The following MPHOSPH9 variants were observed in gnomAD, a reference collection of about 807,000 sequenced individuals.
MPHOSPH9 encodes M-phase phosphoprotein 9.
MPHOSPH9 carries 88 observed loss-of-function variants against 145.5 expected under a neutral mutation model. The ratio of observed to expected loss-of-function variants is 0.60; its 90% CI spans 0.51 to 0.72. The LOEUF is 0.72. Ranked by LOEUF, MPHOSPH9 falls within the 30% of genes least tolerant of loss-of-function variation. The pLI, the probability that MPHOSPH9 is intolerant of heterozygous loss-of-function variation, is 0.00. For missense variants in MPHOSPH9, 1,238 were observed against 1,386.6 expected (o/e 0.89, Z 1.70); for synonymous variants, 435 against 486.2 (o/e 0.89, Z 1.39).
intron 2 of MPHOSPH9, among the ~76,000 whole-genome samples, chr12:123,229,210 G>T (rs80263881): frequency 3.9e-5 from 6 of 152,044 alleles, no homozygotes; most frequent in Non-Finnish European, 8.8e-5. Flanking sequence ...CCCCAAAACC[G>T]CTGTTTTCCT....
intron 13 of MPHOSPH9, among the ~76,000 whole-genome samples, chr12:123,191,447 C>T (rs183419045): frequency 2.6e-5 from 4 of 152,306 alleles, no homozygotes; most frequent in African/African-American, 4.8e-5. Context: ...TGCATCACCA[C>T]GCCTAGCTAA....
chr12:123,196,938 C>G (rs1230439214), intron 12 of MPHOSPH9, among the ~76,000 whole-genome samples: 1 of 150,280 alleles, frequency 6.7e-6, no homozygotes, highest in Non-Finnish European at 1.5e-5. Context: ...TATCAATGTT[C>G]AGAAAAGGCA....
Position 123,202,810 on chromosome 12 carries a change from G to A in MPHOSPH9, c.1595C>T (p.Thr532Ile). The stretch of plus-strand genomic sequence containing the variant: ...ATATACTGACGGAAACGTGGAACTG[G>A]TCCTACTTTCGTTTTGGAATGTCTG... ...KNQTFQNESRTSSTFPSVYTI... is the reference protein window; with the variant it reads ...KNQTFQNESRISSTFPSVYTI... Residue 532 changes from threonine to isoleucine, a missense_variant, in exon 10 of 24, where the codon ACC (threonine) becomes ATC (isoleucine). Physicochemically the swap from Thr to Ile is moderately conservative, Grantham distance 89. Transcript: ENST00000606320. 1 of 1,614,200 alleles carries A rather than the reference G, an allele frequency of 6.2e-7. No individual in the cohort carries two copies. Among genetic ancestry groups the A allele is most frequent in the South Asian group, 1.1e-5 (1 of 91,088 alleles).
intron 4 of MPHOSPH9, 29 bp downstream of exon 4, chr12:123,223,009 A>C: frequency 7.3e-6 from 10 of 1,367,716 alleles, no homozygotes; most frequent in Non-Finnish European, 1.0e-5. Flanking sequence ...TGTATATAAA[A>C]AAAGGAATCA....
chr12:123,200,217 T>C (rs1254423450), intron 11 of MPHOSPH9, among the ~76,000 whole-genome samples: 1 of 92,464 alleles, frequency 1.1e-5, no homozygotes, highest in East Asian at 1.0e-3. Context: ...CTGATAACAA[T>C]GGTTTTTTAT....
intron 4 of MPHOSPH9, among the ~76,000 whole-genome samples, chr12:123,222,133 G>T (rs772537392): frequency 2.0e-5 from 3 of 151,734 alleles, no homozygotes; most frequent in Non-Finnish European, 2.9e-5. Flanking sequence ...AGGAGCTCAA[G>T]ACCAGCTTGG....
intron 2 of MPHOSPH9, among the ~76,000 whole-genome samples, chr12:123,229,349 C>T (rs1757753571): frequency 6.6e-6 from 1 of 152,110 alleles, no homozygotes. Flanking sequence ...TGAAAGTAAA[C>T]AGGCTCTGAT....
At chr12:123,200,293 A>C (rs938804540) in intron 11 of MPHOSPH9, among the ~76,000 whole-genome samples, 1 of 151,306 alleles carries the variant, frequency 6.6e-6, no homozygotes, top group Non-Finnish European at 1.5e-5. Context: ...TGTCCTCTGT[A>C]ACACAGCTTT....
At chr12:123,179,278 A>G (rs1593109995) in intron 15 of MPHOSPH9, among the ~76,000 whole-genome samples, 2 of 152,202 alleles carry the variant, frequency 1.3e-5, no homozygotes, top group East Asian at 3.9e-4. Flanking sequence ...AAAGTTTTTA[A>G]AAATCAGCCA....
At chr12:123,160,508 T>C in intron 23 of MPHOSPH9, 1 of 375,732 alleles carries the variant, frequency 2.7e-6, no homozygotes, top group Non-Finnish European at 4.8e-6. Context: ...AAAAGCATAT[T>C]GCCATTTGCT....
upstream of MPHOSPH9, among the ~76,000 whole-genome samples, chr12:123,234,543 C>G (rs1474012370): frequency 6.6e-6 from 1 of 152,078 alleles, no homozygotes; most frequent in Non-Finnish European, 1.5e-5. Context: ...ATACCGGTGC[C>G]CGCCACCACA....
chr12:123,202,484 GAA>G lies in MPHOSPH9; in HGVS notation c.1781+138_1781+139del, dbSNP rs1343948484. Reference sequence around the variant, plus strand: ...ATACACAAAAAGTTAACAATCAAGTGAAAAAGTTTTTATATGCTCCATCTTAA... The same window carrying G: ...ATACACAAAAAGTTAACAATCAAGTGAAAGTTTTTATATGCTCCATCTTAA... On this transcript the variant is annotated intron_variant, in intron 10 of 23. Transcript: ENST00000606320. 12 of 1,204,484 alleles carry G rather than the reference GAA, an allele frequency of 1.0e-5. No individual in the cohort carries two copies. In the East Asian group the frequency reaches 2.5e-4, roughly 25 times the overall value. The allele number at this position is 1,204,484 out of a possible 1,614,324, so 74.6% of individuals were successfully genotyped here.
chr12:123,211,489 AC>A (rs2046715755), intron 7 of MPHOSPH9, among the ~76,000 whole-genome samples: 2 of 151,332 alleles, frequency 1.3e-5, no homozygotes, highest in African/African-American at 4.9e-5. Flanking sequence ...AGAAGCTGGG[AC>A]TACAGGCACA....
intron 1 of MPHOSPH9, among the ~76,000 whole-genome samples, chr12:123,232,617 C>G (rs2047703673): frequency 6.6e-6 from 1 of 152,050 alleles, no homozygotes; most frequent in Non-Finnish European, 1.5e-5. Flanking sequence ...ATTCTGAGCT[C>G]ACAGTCAGCC....
At chr12:123,232,318 G>A (rs1308006968) in intron 1 of MPHOSPH9, among the ~76,000 whole-genome samples, 4 of 151,988 alleles carry the variant, frequency 2.6e-5, no homozygotes, top group Admixed American at 2.6e-4. Context: ...TGGAGGTGCT[G>A]GGGGGAGGGC....
At chr12:123,169,491 T>G (rs2044481154) in intron 16 of MPHOSPH9, among the ~76,000 whole-genome samples, 1 of 149,184 alleles carries the variant, frequency 6.7e-6, no homozygotes, top group African/African-American at 2.5e-5. Context: ...AGAGCGAGAC[T>G]CCGTCTTAAA....
intron 16 of MPHOSPH9, among the ~76,000 whole-genome samples, chr12:123,167,632 G>A (rs971054141): frequency 2.6e-5 from 4 of 152,114 alleles, no homozygotes; most frequent in African/African-American, 4.8e-5. Context: ...CACAGCATGC[G>A]TACTCCAGCT....
chr12:123,239,074 G>A (rs775281751), intron 1 of MPHOSPH9, among the ~76,000 whole-genome samples: 32 of 152,168 alleles, frequency 2.1e-4, no homozygotes, highest in Non-Finnish European at 4.0e-4. Flanking sequence ...TTCCAGACCA[G>A]CCACAGCAAC....
intron 3 of MPHOSPH9, among the ~76,000 whole-genome samples, chr12:123,224,616 G>A (rs895076845): frequency 6.6e-6 from 1 of 152,190 alleles, no homozygotes; most frequent in African/African-American, 2.4e-5. Context: ...TTGGAAATCT[G>A]TGAGGTCACG....
Sources: allele counts gnomAD v4.1 joint callset (sites outside exome capture counted in the v4.1 genomes callset), GRCh38; gene constraint gnomAD v4.1.1; transcripts MANE v1.5; gene names NCBI Gene and HGNC (gene_info 2026-07-23, HGNC 2026-07-21).